MUC5AC: variants seen among roughly 807,000 people sequenced by gnomAD.
The protein encoded by MUC5AC is mucin-5AC.
Under a neutral mutation model 169.7 loss-of-function variants are expected in MUC5AC, and 158 were observed. The observed-to-expected ratio is 0.93, with a 90% confidence interval of 0.82 to 1.06. The LOEUF (loss-of-function observed/expected upper bound fraction) is 1.06. Among genes scored for constraint, MUC5AC ranks in the 50% least tolerant of loss-of-function variants. MUC5AC has a pLI of 0.00. For synonymous variants in MUC5AC, 1,975 were observed against 1,237.0 expected (o/e 1.60, Z -12.52); for missense variants, 4,359 against 3,089.9 (o/e 1.41, Z -9.74).
At chr11:1,169,607 CCACT>C (rs1389040684) in intron 15 of MUC5AC, among the ~76,000 whole-genome samples, 12 of 146,150 alleles carry the variant, frequency 8.2e-5, no homozygotes, top group Admixed American at 4.1e-4. Context: ...ACTCACTCAC[CCACT>C]CACTCACTCA....
In MUC5AC at chr11:1,184,997, A is replaced by G. The variant is rs1860896341; in HGVS notation, c.6852A>G (p.Thr2284=). 1.5e-6 allele frequency: 1 copy of G among 683,762 alleles called. No individual in the cohort carries two copies. The highest frequency in any genetic ancestry group is 1.8e-5 in the African/African-American group (1 of 56,568). 42.4% of individuals were successfully genotyped at this position (683,762 alleles called of 1,614,324 possible). The change falls in exon 31 of 49, where the codon ACA becomes ACG. Residue 2284 remains threonine, a synonymous_variant. Transcript: ENST00000621226. ...TSTTSAPTAR[T]TSAPTTRTTS... is the part of the protein sequence containing the mutation. ...CAACCTCTGCTCCTACAGCCAGAAC[A>G]ACCTCTGCTCCTACAACCAGAACAA...
At chr11:1,171,622 A>AACTCAAC (rs1860542639) in intron 15 of MUC5AC, among the ~76,000 whole-genome samples, 1 of 18,032 alleles carries the variant, frequency 5.5e-5, no homozygotes, top group African/African-American at 2.5e-4. Context: ...CCCACTCACG[A>AACTCAAC]ACTCACTCAC....
Position 1,179,203 on chromosome 11 carries a change from C to G in MUC5AC, c.3439C>G (p.His1147Asp). The change falls in exon 26 of 49, where the codon CAT (histidine) becomes GAT (aspartate). Residue 1147 changes from histidine (H) to aspartate (D), a missense_variant. Transcript: ENST00000621226. ...TAVAAYAQAC[H>D]EVGLCVSWRT... ...TGTGGCCGCCTACGCCCAGGCCTGC[C>G]ATGAAGTAGGCCTGTGTGTGTCCTG... The G allele has an allele frequency of 1.5e-6, 1 of 676,738 alleles. No individual in the cohort carries two copies. Among genetic ancestry groups the G allele is most frequent in the South Asian group, 1.6e-5 (1 of 63,964 alleles). The allele number at this position is 676,738 out of a possible 1,614,324, so 41.9% of individuals were successfully genotyped here.
intron 20 of MUC5AC, 118 bp from the exon 21 acceptor site, chr11:1,176,396 C>G (rs1392848499): frequency 5.0e-6 from 2 of 398,664 alleles, no homozygotes; most frequent in Non-Finnish European, 8.8e-6. Context: ...TGCCCATGCG[C>G]TCCCGGACTC....
chr11:1,191,682 C>T lies in MUC5AC; in HGVS notation c.13537C>T (p.Pro4513Ser), dbSNP rs74808869. 1 of 703,438 alleles carries T rather than the reference C, an allele frequency of 1.4e-6. No homozygotes were observed. The highest frequency in any genetic ancestry group is 2.6e-6 in the Non-Finnish European group (1 of 387,766). 43.6% of individuals were successfully genotyped at this position (703,438 alleles called of 1,614,324 possible). A position where few individuals can be genotyped will look rare whatever the true frequency, so the allele number is the denominator to read the frequency against. The part of the protein sequence containing the change: ...ASTTSGPGTT[P>S]SPVPTTSTTS... ...CACAACCTCTGGTCCTGGAACTACT[C>T]CCAGCCCTGTTCCCACCACCAGCAC... The change falls in exon 31 of 49, where the codon CCC becomes TCC. Residue 4513 changes from proline to serine, a missense_variant. By Grantham distance (74) the Pro-to-Ser change is moderately conservative. Transcript: ENST00000621226.
At position 1,196,461 on chromosome 11, in the gene MUC5AC, C is replaced by T; in HGVS notation, c.15711C>T (p.Asp5237=). The T allele has an allele frequency of 1.3e-6, 1 of 765,046 alleles. No homozygotes were observed. Among genetic ancestry groups the T allele is most frequent in the Non-Finnish European group, 2.4e-6 (1 of 417,816 alleles). 47.4% of individuals were successfully genotyped at this position (765,046 alleles called of 1,614,324 possible). Residue 5237 remains aspartate, a synonymous_variant, in exon 38 of 49, where the codon GAC becomes GAT. Coordinates refer to ENST00000621226, the MANE Select transcript of MUC5AC (RefSeq NM_001304359.2). ...PSNPSYCYGN[D]SASLGALPEA... ...ACCCCTCCTACTGCTACGGGAATGA[C>T]AGCGCCAGCCTCGGGTAGGCACCCT...
At position 1,198,879 on chromosome 11, in the gene MUC5AC, C is replaced by T. The variant is rs55920842; in HGVS notation, c.16179C>T (p.Gly5393=). 2.1e-4 allele frequency: 158 copies of T among 744,096 alleles called. No homozygotes were observed. In the African/African-American group the frequency reaches 2.5e-3, roughly 12 times the overall value. 46.1% of individuals were successfully genotyped at this position (744,096 alleles called of 1,614,324 possible). ...GCTGCCCTGGCTCTCCCCAGCCCGGCGCCGTGGTCTCCTCGAGCCTGTGCG... is the reference window on the plus strand; with the variant it reads ...GCTGCCCTGGCTCTCCCCAGCCCGGTGCCGTGGTCTCCTCGAGCCTGTGCG... ...CSINGTLYQP[G]AVVSSSLCET... Residue 5393 remains glycine, a synonymous_variant, in exon 44 of 49, where the codon GGC becomes GGT. Coordinates refer to ENST00000621226, the MANE Select transcript of MUC5AC (RefSeq NM_001304359.2).
intron 9 of MUC5AC, among the ~76,000 whole-genome samples, chr11:1,164,770 T>TGAGGCTGGCTGATGCCCCTGTCCCGGGCC (rs1860260218): frequency 8.4e-6 from 1 of 119,144 alleles, no homozygotes; most frequent in Non-Finnish European, 1.8e-5. Context: ...GTCCTGAGCC[T>TGAGGCTGGCTGATGCCCCTGTCCCGGGCC]CCTGAGGCTG....
Position 1,186,454 on chromosome 11 carries a change from C to A in MUC5AC, c.8309C>A (p.Thr2770Asn). The change falls in exon 31 of 49, where the codon ACC (threonine) becomes AAC (asparagine). Residue 2770 changes from threonine to asparagine, a missense_variant. Thr to Asn is a moderately conservative substitution (Grantham distance 65). Transcript: ENST00000621226. The part of the protein sequence containing the change: ...STTSTTSATT[T>N]STTSATTTST... ...ACCAGCACAACCTCTGCGACTACAACCAGCACAACCTCTGCTACTACAACC... is the reference window on the plus strand; with the variant it reads ...ACCAGCACAACCTCTGCGACTACAAACAGCACAACCTCTGCTACTACAACC... 1.4e-6 allele frequency: 1 copy of A among 699,146 alleles called. No individual in the cohort carries two copies. Among genetic ancestry groups the A allele is most frequent in the Non-Finnish European group, 2.6e-6 (1 of 382,912 alleles). The allele number at this position is 699,146 out of a possible 1,614,324, so 43.3% of individuals were successfully genotyped here. A position where few individuals can be genotyped will look rare whatever the true frequency, so the allele number is the denominator to read the frequency against.
In MUC5AC at chr11:1,196,884, G is replaced by A; in HGVS notation, c.15837G>A (p.Leu5279=). The A allele has an allele frequency of 1.3e-6, 1 of 763,374 alleles. No individual in the cohort carries two copies. Among genetic ancestry groups the A allele is most frequent in the South Asian group, 1.4e-5 (1 of 74,048 alleles). The allele number at this position is 763,374 out of a possible 1,614,324, so 47.3% of individuals were successfully genotyped here. A position where few individuals can be genotyped will look rare whatever the true frequency, so the allele number is the denominator to read the frequency against. Residue 5279 remains leucine, a synonymous_variant, in exon 40 of 49, where the codon CTG becomes CTA. Transcript: ENST00000621226. ...AGATCTCTCTCCTTCCAGGGTGTCT[G>A]GGGCCCCACGGAGAGCCGGTGAAGG... ...VCVPTGCPRC[L]GPHGEPVKVG... is the part of the protein sequence containing the mutation.
chr11:1,177,728 CAGAG>C (rs1860721471), intron 24 of MUC5AC, 95 bp downstream of exon 24: 2 of 397,204 alleles, frequency 5.0e-6, no homozygotes, highest in Non-Finnish European at 8.9e-6. Flanking sequence ...CACAGAGACA[CAGAG>C]AGAAACACAG....
In MUC5AC at chr11:1,184,931, C is replaced by T; in HGVS notation, c.6786C>T (p.Ser2262=). Residue 2262 remains serine (S), a synonymous_variant, in exon 31 of 49, where the codon TCC becomes TCT. Transcript: ENST00000621226. ...TTTLVTTSTT[S]TPQTSTTYAH... Reference sequence around the variant, plus strand: ...CTTTGGTGACAACCAGCACAACCTCCACTCCACAGACCAGTACAACCTATG... The same window carrying T: ...CTTTGGTGACAACCAGCACAACCTCTACTCCACAGACCAGTACAACCTATG... 2 of 637,250 alleles carry T rather than the reference C, an allele frequency of 3.1e-6. No individual in the cohort carries two copies. 39.5% of individuals were successfully genotyped at this position (637,250 alleles called of 1,614,324 possible). A position where few individuals can be genotyped will look rare whatever the true frequency, so the allele number is the denominator to read the frequency against.
chr11:1,176,782 A>C, intron 21 of MUC5AC, 117 bp downstream of exon 21: 1 of 398,444 alleles, frequency 2.5e-6, no homozygotes, highest in Non-Finnish European at 4.4e-6. Context: ...GCACAGACTC[A>C]GGGCTGGACG....
At position 1,192,813 on chromosome 11, in the gene MUC5AC, C is replaced by T. The variant is rs1241533718; in HGVS notation, c.14411C>T (p.Ala4804Val). The T allele has an allele frequency of 2.6e-6, 2 of 763,170 alleles. No individual in the cohort carries two copies. Among genetic ancestry groups the T allele is most frequent in the East Asian group, 2.4e-5 (1 of 41,184 alleles). 47.3% of individuals were successfully genotyped at this position (763,170 alleles called of 1,614,324 possible). A position where few individuals can be genotyped will look rare whatever the true frequency, so the allele number is the denominator to read the frequency against. ...ACCATATACCGCCACAGAGACCTCG[C>T]TGGCCATTGCTATTATGCCCTGTGT... ...GSTIYRHRDLAGHCYYALCSQ... is the reference protein window; with the variant it reads ...GSTIYRHRDLVGHCYYALCSQ... Residue 4804 changes from alanine (A) to valine (V), a missense_variant, in exon 32 of 49, where the codon GCT becomes GTT. Ala to Val is a moderately conservative substitution (Grantham distance 64). Transcript: ENST00000621226.
At chr11:1,165,536 G>A in intron 10 of MUC5AC, 86 bp from the exon 11 acceptor site, 4 of 1,590,346 alleles carry the variant, frequency 2.5e-6, no homozygotes, top group South Asian at 1.1e-5. Flanking sequence ...CAGGCCTGGG[G>A]TGAGACCCGG....
At position 1,197,596 on chromosome 11, in the gene MUC5AC, T is replaced by C; in HGVS notation, c.15990T>C (p.Pro5330=). The C allele has an allele frequency of 1.4e-6, 1 of 726,614 alleles. No individual in the cohort carries two copies. Among genetic ancestry groups the C allele is most frequent in the Admixed American group, 1.8e-5 (1 of 54,282 alleles). 45.0% of individuals were successfully genotyped at this position (726,614 alleles called of 1,614,324 possible). A position where few individuals can be genotyped will look rare whatever the true frequency, so the allele number is the denominator to read the frequency against. The part of the protein sequence containing the change: ...ACPLPGFVPV[P]AAPQAGQCCP... The stretch of plus-strand genomic sequence containing the variant: ...CCCTGCCCGGCTTCGTGCCTGTGCC[T>C]GCAGCCCCACAGGCCGGCCAGTGCT... The change falls in exon 41 of 49, where the codon CCT becomes CCC. Residue 5330 remains proline (P), a synonymous_variant. Transcript: ENST00000621226.
At position 1,168,513 on chromosome 11, in the gene MUC5AC, T is replaced by C. The variant is rs754247959; in HGVS notation, c.1528T>C (p.Phe510Leu). The C allele has an allele frequency of 1.9e-6, 3 of 1,555,070 alleles. No homozygotes were observed. In the South Asian group the frequency reaches 3.5e-5, roughly 18 times the overall value. The change falls in exon 13 of 49, where the codon TTC becomes CTC. Residue 510 changes from phenylalanine to leucine, a missense_variant. Physicochemically the swap from Phe to Leu is conservative, Grantham distance 22. Coordinates refer to ENST00000621226, the MANE Select transcript of MUC5AC (RefSeq NM_001304359.2). ...VVVIKASGEV[F>L]LNQIYTQLPI... Reference sequence around the variant, plus strand: ...GGTGATCAAGGCCAGTGGGGAAGTGTTCCTGAACCAGATCTACACCCAGCT... The same window carrying C: ...GGTGATCAAGGCCAGTGGGGAAGTGCTCCTGAACCAGATCTACACCCAGCT...
At position 1,189,925 on chromosome 11, in the gene MUC5AC, C is replaced by T. The variant is rs1412272204; in HGVS notation, c.11780C>T (p.Thr3927Ile). 10 of 765,164 alleles carry T rather than the reference C, an allele frequency of 1.3e-5. No individual in the cohort carries two copies. The highest frequency in any genetic ancestry group is 1.0e-4 in the African/African-American group (6 of 59,252). 47.4% of individuals were successfully genotyped at this position (765,164 alleles called of 1,614,324 possible). A position where few individuals can be genotyped will look rare whatever the true frequency, so the allele number is the denominator to read the frequency against. Residue 3927 changes from threonine (T) to isoleucine (I), a missense_variant, in exon 31 of 49, where the codon ACA (threonine) becomes ATA (isoleucine). By Grantham distance (89) the Thr-to-Ile change is moderately conservative (BLOSUM62 -1). Coordinates refer to ENST00000621226, the MANE Select transcript of MUC5AC (RefSeq NM_001304359.2). ...CCCAGCCCCGTTCCCACCACCAGCA[C>T]AGCCTCTGTTTCAAAGACCAGCACA... ...TTPSPVPTTS[T>I]ASVSKTSTSH...
chr11:1,164,340 TC>T, intron 8 of MUC5AC, 21 bp downstream of exon 8: 2 of 1,611,820 alleles, frequency 1.2e-6, no homozygotes. Flanking sequence ...CAGCCCCCTG[TC>T]CCCCAACCCC....
Sources: gnomAD v4.1 joint callset for allele counts (sites outside exome capture counted in the v4.1 genomes callset) on GRCh38, gnomAD v4.1.1 for gene constraint, MANE v1.5 for transcripts, NCBI Gene and HGNC (gene_info 2026-07-23, HGNC 2026-07-21) for gene names.